Variants in KCNJ3 observed in about 807,000 individuals in gnomAD.
The protein encoded by KCNJ3 is potassium inwardly rectifying channel subfamily J member 3, also known as G protein-activated inward rectifier potassium channel 1.
Under a neutral mutation model 39.2 loss-of-function variants are expected in KCNJ3, and 4 were observed. The observed-to-expected ratio is 0.10, with a 90% CI of 0.05 to 0.23. KCNJ3 has a LOEUF of 0.23. Among genes scored for constraint, KCNJ3 ranks in the 10% least tolerant of loss-of-function variants. KCNJ3 has a pLI of 1.00. For synonymous variants in KCNJ3, 230 were observed against 237.4 expected, an observed-to-expected ratio of 0.97 and a Z score of 0.29; for missense variants, 276 against 634.9, an observed-to-expected ratio of 0.43 and a Z score of 6.08.
At chr2:154,835,070 C>T (rs537265573) in intron 2 of KCNJ3, among the ~76,000 whole-genome samples, 1 of 151,502 alleles carries the variant, frequency 6.6e-6, no homozygotes, top group South Asian at 2.1e-4. Flanking sequence ...TAAAGCATTT[C>T]TGTTATTCTT....
At chr2:154,703,709 A>T (rs1452365536) in intron 1 of KCNJ3, among the ~76,000 whole-genome samples, 17 of 152,016 alleles carry the variant, frequency 1.1e-4, no homozygotes, top group Admixed American at 9.8e-4. Flanking sequence ...GTTTGCTTTC[A>T]TTTTATATCT....
chr2:154,845,453 G>A (rs758698922), intron 2 of KCNJ3, among the ~76,000 whole-genome samples: 1 of 152,108 alleles, frequency 6.6e-6, no homozygotes, highest in Non-Finnish European at 1.5e-5. Context: ...GTCTTATGGA[G>A]TCTGTTTCAA....
chr2:154,749,473 G>T lies in KCNJ3; in HGVS notation c.919+39654G>T, dbSNP rs145858594. On this transcript the variant is annotated intron_variant, in intron 2 of 2. Transcript: ENST00000295101. ...GCATGTTGTGGGCAAATGAGCAAAA[G>T]ATTTTTTTCTTGCATGTGATTGTGA... Among the ~76,000 whole-genome samples, 3 of 152,140 alleles carry T rather than the reference G, an allele frequency of 2.0e-5. No individual in the cohort carries two copies. In the East Asian group the frequency reaches 5.8e-4, roughly 29 times the overall value.
intron 2 of KCNJ3, among the ~76,000 whole-genome samples, chr2:154,835,434 AATATT>A (rs1483078562): frequency 3.9e-5 from 2 of 50,718 alleles, no homozygotes; most frequent in African/African-American, 9.5e-5. Flanking sequence ...ATGAATATAT[AATATT>A]CATGAATATG....
intron 2 of KCNJ3, among the ~76,000 whole-genome samples, chr2:154,777,618 C>T (rs925526666): frequency 2.0e-5 from 3 of 152,250 alleles, no homozygotes; most frequent in Admixed American, 1.3e-4. Context: ...TTAGTTGAAT[C>T]AATAACTTCT....
At chr2:154,765,898 G>A (rs1201442878) in intron 2 of KCNJ3, among the ~76,000 whole-genome samples, 1 of 152,142 alleles carries the variant, frequency 6.6e-6, no homozygotes, top group Non-Finnish European at 1.5e-5. Context: ...AATACTAGAA[G>A]AAAAATCAAT....
intron 2 of KCNJ3, among the ~76,000 whole-genome samples, chr2:154,812,041 A>G (rs1687015882): frequency 6.6e-6 from 1 of 152,192 alleles, no homozygotes; most frequent in Non-Finnish European, 1.5e-5. Flanking sequence ...TAAGAGGAAA[A>G]TGATCTCATT....
intron 2 of KCNJ3, among the ~76,000 whole-genome samples, chr2:154,828,245 T>C (rs1451598760): frequency 1.3e-4 from 20 of 152,228 alleles, no homozygotes; most frequent in Admixed American, 1.3e-3. Flanking sequence ...AGAGCCATCA[T>C]ATGAAAACCA....
At chr2:154,803,684 C>A (rs1159875379) in intron 2 of KCNJ3, among the ~76,000 whole-genome samples, 2 of 151,576 alleles carry the variant, frequency 1.3e-5, no homozygotes, top group African/African-American at 4.8e-5. Context: ...TTTATTTTTT[C>A]TCTGATGAAG....
At chr2:154,820,467 G>A (rs62170838) in intron 2 of KCNJ3, among the ~76,000 whole-genome samples, 2,132 of 152,260 alleles carry the variant, frequency 0.014, 20 homozygotes, top group Non-Finnish European at 0.024. Flanking sequence ...ATCAGGAGAC[G>A]CAACATCTGC....
At chr2:154,834,885 C>T (rs1027520653) in intron 2 of KCNJ3, among the ~76,000 whole-genome samples, 12 of 151,846 alleles carry the variant, frequency 7.9e-5, no homozygotes, top group African/African-American at 2.9e-4. Flanking sequence ...TCTCATTCCA[C>T]CCTTAATAGT....
Position 154,840,077 on chromosome 2 carries a change from A to G in KCNJ3, c.920-14650A>G, listed in dbSNP as rs13408727. Among the ~76,000 whole-genome samples, 1,303 of 152,274 alleles carry G rather than the reference A, an allele frequency of 8.6e-3. 27 individuals are homozygous for G. Among genetic ancestry groups the G allele is most frequent in the African/African-American group, 0.03 (1,239 of 41,558 alleles). Reference sequence around the variant, plus strand: ...GAGTTTTTATGGTTTTAGGTCTAACATTTAAGTCTTTAATGCATCTTGAAT... The same window carrying G: ...GAGTTTTTATGGTTTTAGGTCTAACGTTTAAGTCTTTAATGCATCTTGAAT... On this transcript the variant is annotated intron_variant, in intron 2 of 2. Coordinates refer to ENST00000295101, the MANE Select transcript of KCNJ3 (RefSeq NM_002239.4).
At chr2:154,715,968 A>T (rs1287623065) in intron 2 of KCNJ3, among the ~76,000 whole-genome samples, 1 of 152,204 alleles carries the variant, frequency 6.6e-6, no homozygotes, top group Non-Finnish European at 1.5e-5. Context: ...TTCTCTGCAG[A>T]TAGAATTTCT....
rs1684843392 is a variant in KCNJ3, at chr2:154,699,258, C to T, written c.483C>T (p.Leu161=). The T allele has an allele frequency of 6.2e-7, 1 of 1,614,138 alleles. No individual in the cohort carries two copies. The highest frequency in any genetic ancestry group is 1.7e-5 in the Admixed American group (1 of 60,034). Residue 161 remains leucine (L), a synonymous_variant, in exon 1 of 3, where the codon CTC becomes CTT. Transcript: ENST00000295101. The surrounding 1 kb of genome is among the most constrained non-coding windows in gnomAD (Gnocchi z 6.4). Reference sequence around the variant, plus strand: ...ACAAGTGCCCCGAGGGCATCATCCTCTTCCTCTTCCAGTCCATCCTGGGCT... The same window carrying T: ...ACAAGTGCCCCGAGGGCATCATCCTTTTCCTCTTCCAGTCCATCCTGGGCT... ...ITDKCPEGII[L]FLFQSILGSI...
chr2:154,749,482 C>T (rs940362750), intron 2 of KCNJ3, among the ~76,000 whole-genome samples: 8 of 152,060 alleles, frequency 5.3e-5, no homozygotes, highest in African/African-American at 1.7e-4. Flanking sequence ...AGATTTTTTT[C>T]TTGCATGTGA....
intron 2 of KCNJ3, among the ~76,000 whole-genome samples, chr2:154,810,012 A>T (rs1025997): frequency 0.75 from 114,481 of 151,982 alleles, 43,680 homozygotes; most frequent in East Asian, 0.94. Flanking sequence ...ATATGGAACA[A>T]TTATATGTGC....
intron 2 of KCNJ3, among the ~76,000 whole-genome samples, chr2:154,760,118 G>A (rs1303569575): frequency 6.6e-6 from 1 of 152,112 alleles, no homozygotes; most frequent in African/African-American, 2.4e-5. Context: ...CATGAACTCT[G>A]TAACTAACAC....
intron 1 of KCNJ3, among the ~76,000 whole-genome samples, chr2:154,705,432 T>C (rs1369217243): frequency 6.6e-6 from 1 of 152,126 alleles, no homozygotes; most frequent in African/African-American, 2.4e-5. Flanking sequence ...TACATGACAA[T>C]GATGATCCCT....
At chr2:154,805,939 A>G (rs1686903599) in intron 2 of KCNJ3, among the ~76,000 whole-genome samples, 2 of 152,198 alleles carry the variant, frequency 1.3e-5, no homozygotes, top group Non-Finnish European at 2.9e-5. Context: ...ATAGGGAAGC[A>G]TAGACAATAG....
Sources: allele counts gnomAD v4.1 joint callset (sites outside exome capture counted in the v4.1 genomes callset), GRCh38; gene constraint gnomAD v4.1.1; non-coding constraint Gnocchi (gnomAD v3.1); transcripts MANE v1.5; gene names NCBI Gene and HGNC (gene_info 2026-07-23, HGNC 2026-07-21).